DNAH10: variants seen among roughly 807,000 people sequenced by gnomAD.
DNAH10 encodes dynein axonemal heavy chain 10.
DNAH10 carries 348 observed loss-of-function variants against 506.6 expected under a neutral mutation model. That is an observed-to-expected ratio of 0.69 (90% CI 0.63 to 0.75). The LOEUF is 0.75. DNAH10 is among the 30% of genes least tolerant of loss of function. The pLI, the probability that DNAH10 is intolerant of heterozygous loss-of-function variation, is 0.00. For synonymous variants in DNAH10, 2,059 were observed against 2,198.6 expected (o/e 0.94, Z 1.78); for missense variants, 5,179 against 5,787.1 (o/e 0.89, Z 3.41).
chr12:123,821,897 C>T (rs1417927960), intron 24 of DNAH10, among the ~76,000 whole-genome samples: 3 of 151,890 alleles, frequency 2.0e-5, no homozygotes, highest in Non-Finnish European at 4.4e-5. Flanking sequence ...GGCGAAACCC[C>T]GTTTCTACTA....
At chr12:123,765,969 C>A (rs1957029566) in intron 1 of DNAH10, among the ~76,000 whole-genome samples, 1 of 151,984 alleles carries the variant, frequency 6.6e-6, no homozygotes, top group African/African-American at 2.4e-5. Context: ...CTATCACTTA[C>A]CTATCATCTA....
At chr12:123,852,201 T>C (rs1565994521) in intron 35 of DNAH10, among the ~76,000 whole-genome samples, 1 of 152,242 alleles carries the variant, frequency 6.6e-6, no homozygotes, top group Non-Finnish European at 1.5e-5. Context: ...ATGGAACCCT[T>C]TGAGACGGGC....
At chr12:123,930,293 C>T in intron 72 of DNAH10, 109 bp from the exon 73 acceptor site, 3 of 1,069,368 alleles carry the variant, frequency 2.8e-6, no homozygotes, top group Non-Finnish European at 2.6e-6. Flanking sequence ...CTTGCAGCAG[C>T]CAGGCTGCTG....
intron 32 of DNAH10, among the ~76,000 whole-genome samples, chr12:123,847,291 C>T (rs983233926): frequency 1.3e-5 from 2 of 149,592 alleles, no homozygotes; most frequent in African/African-American, 2.5e-5. Flanking sequence ...GTCTATTTAT[C>T]ATCTCGATCA....
chr12:123,769,884 G>T (rs555625278), intron 2 of DNAH10, among the ~76,000 whole-genome samples: 9 of 149,304 alleles, frequency 6.0e-5, no homozygotes, highest in Admixed American at 5.3e-4. Flanking sequence ...CTTCCAAGTA[G>T]CTGGGACTAC....
In DNAH10 at chr12:123,853,189, T is replaced by A. The variant is rs763292891; in HGVS notation, c.6292-17T>A. The A allele has an allele frequency of 6.4e-6, 10 of 1,562,510 alleles. No homozygotes were observed. In the African/African-American group the frequency reaches 1.1e-4, roughly 17 times the overall value. On this transcript the variant is annotated splice_polypyrimidine_tract_variant and intron_variant, in intron 35 of 78. Transcript: ENST00000673944. This position sits in a 1 kb window ranked among gnomAD's most constrained non-coding sequence, Gnocchi z 4.7. ...TCTTTTTTCTTTTTTTTTGTATTAT[T>A]ATCTTCTATCAAAAAGACTCTGGCG... is the stretch of plus-strand genomic sequence containing the variant.
chr12:123,805,131 G>C (rs951862814), intron 18 of DNAH10, 91 bp downstream of exon 18: 9 of 1,359,486 alleles, frequency 6.6e-6, no homozygotes, highest in Non-Finnish European at 9.0e-6. Flanking sequence ...GCAAGGTAGA[G>C]AATGAAAATC....
chr12:123,887,554 G>C (rs1952792970), intron 52 of DNAH10, among the ~76,000 whole-genome samples: 3 of 152,068 alleles, frequency 2.0e-5, no homozygotes, highest in Non-Finnish European at 4.4e-5. Flanking sequence ...CTTGCAGTAA[G>C]AACAGGTGGT....
At chr12:123,905,027 C>A (rs1258575336) in intron 57 of DNAH10, among the ~76,000 whole-genome samples, 3 of 152,222 alleles carry the variant, frequency 2.0e-5, no homozygotes, top group Non-Finnish European at 2.9e-5. Flanking sequence ...CTCTTCTCTT[C>A]CTGACTTCAG....
chr12:123,866,433 C>T (rs1756238968), intron 41 of DNAH10, among the ~76,000 whole-genome samples: 2 of 151,276 alleles, frequency 1.3e-5, no homozygotes, highest in East Asian at 1.9e-4. Flanking sequence ...TTAGTAGAGG[C>T]GGGGTTTCAC....
chr12:123,929,089 G>GA, intron 70 of DNAH10, 186 bp from the exon 71 acceptor site: 1 of 635,932 alleles, frequency 1.6e-6, no homozygotes, highest in Non-Finnish European at 2.7e-6. Flanking sequence ...CCTTGACCCT[G>GA]AGAGCCAGAA....
chr12:123,766,092 A>G lies in DNAH10; in HGVS notation c.215-1514A>G, dbSNP rs1283677408. ...TGTCTATACATCTATCTATACATCT[A>G]TCTATCTATACATCTGTCTGTCTAT... is the stretch of plus-strand genomic sequence containing the variant. On this transcript the variant is annotated intron_variant, in intron 1 of 78. Coordinates refer to ENST00000673944, the MANE Select transcript of DNAH10 (RefSeq NM_001372106.1). Among the ~76,000 whole-genome samples the G allele has an allele frequency of 2.8e-5, 3 of 107,994 alleles. No individual in the cohort carries two copies. The East Asian group carries it at 7.0e-4, about 25-fold the overall frequency. The allele number at this position is 107,994 out of a possible 152,430, so 70.8% of individuals were successfully genotyped here.
intron 52 of DNAH10, 138 bp downstream of exon 52, chr12:123,887,451 C>G: frequency 2.9e-6 from 3 of 1,020,616 alleles, no homozygotes; most frequent in Non-Finnish European, 4.1e-6. Context: ...CACGGCGGCC[C>G]CTGAGATAGG....
In DNAH10 at chr12:123,917,910, C is replaced by T; in HGVS notation, c.11232+97C>T. On this transcript the variant is annotated intron_variant, in intron 64 of 78. Transcript: ENST00000673944. The surrounding 1 kb of genome is among the most constrained non-coding windows in gnomAD (Gnocchi z 5.6). ...GTCTGCTCAATGAGAAAATGGGGCT[C>T]TGTGATCTCAGGGCTAAAAACCCAC... The T allele has an allele frequency of 7.3e-7, 1 of 1,366,950 alleles. No individual in the cohort carries two copies. Among genetic ancestry groups the T allele is most frequent in the Non-Finnish European group, 1.0e-6 (1 of 1,001,232 alleles). 84.7% of individuals were successfully genotyped at this position (1,366,950 alleles called of 1,614,324 possible).
chr12:123,781,521 A>G (rs1196818911), intron 6 of DNAH10, among the ~76,000 whole-genome samples: 2 of 152,190 alleles, frequency 1.3e-5, no homozygotes, highest in South Asian at 2.1e-4. Flanking sequence ...GCTGGAGTGC[A>G]GTGGTGAGAT....
At position 123,903,208 on chromosome 12, in the gene DNAH10, G is replaced by A. The variant is rs996612383; in HGVS notation, c.9815+95G>A. On this transcript the variant is annotated intron_variant, in intron 57 of 78. Transcript: ENST00000673944. The surrounding 1 kb of genome is among the most constrained non-coding windows in gnomAD (Gnocchi z 4.6). ...GCAACCAGGAGCTTACAAAGGAGCC[G>A]ATGCCACATGCTGCCACTGTGCCTG... 89 of 1,399,960 alleles carry A rather than the reference G, an allele frequency of 6.4e-5. No individual in the cohort carries two copies. Among genetic ancestry groups the A allele is most frequent in the Middle Eastern group, 3.9e-4 (2 of 5,100 alleles). The allele number at this position is 1,399,960 out of a possible 1,614,324, so 86.7% of individuals were successfully genotyped here.
At chr12:123,886,485 G>T (rs2137113149) in intron 51 of DNAH10, among the ~76,000 whole-genome samples, 1 of 148,390 alleles carries the variant, frequency 6.7e-6, no homozygotes, top group East Asian at 1.9e-4. Context: ...GCGCGCGTGT[G>T]TGTGCACACG....
At chr12:123,765,332 A>G (rs142147209) in intron 1 of DNAH10, among the ~76,000 whole-genome samples, 82 of 152,344 alleles carry the variant, frequency 5.4e-4, no homozygotes, top group Non-Finnish European at 1.1e-3. Flanking sequence ...ATACTGCCAT[A>G]ACACATGTTC....
rs141324610 is a variant in DNAH10 at position 123,806,141 on chromosome 12, C to T, written c.2987+1101C>T. Among the ~76,000 whole-genome samples the T allele has an allele frequency of 6.6e-3, 997 of 152,180 alleles. 13 individuals are homozygous for T. Among genetic ancestry groups the T allele is most frequent in the African/African-American group, 0.022 (913 of 41,504 alleles). On this transcript the variant is annotated intron_variant, in intron 18 of 78. Coordinates refer to ENST00000673944, the MANE Select transcript of DNAH10 (RefSeq NM_001372106.1). ...TTTCTTGTTTGGTTTTTAAGTGATA[C>T]GGACTCTATGGATTGTTAACTTCAT...
Sources: allele counts gnomAD v4.1 joint callset (sites outside exome capture counted in the v4.1 genomes callset), GRCh38; gene constraint gnomAD v4.1.1; non-coding constraint Gnocchi (gnomAD v3.1); transcripts MANE v1.5; gene names NCBI Gene and HGNC (gene_info 2026-07-23, HGNC 2026-07-21).